The following RCAN2 variants were observed in gnomAD, a reference collection of about 807,000 sequenced individuals.
RCAN2 encodes calcipressin-2.
A neutral mutation model predicts 23.6 loss-of-function variants in RCAN2; 9 were observed. The observed-to-expected ratio is 0.38, with a 90% CI of 0.23 to 0.67. The LOEUF (loss-of-function observed/expected upper bound fraction) is 0.67. Ranked by LOEUF, RCAN2 falls within the 30% of genes least tolerant of loss-of-function variation. The pLI, the probability that RCAN2 is intolerant of heterozygous loss-of-function variation, is 0.51. For missense variants in RCAN2, 273 were observed against 302.3 expected, an observed-to-expected ratio of 0.90 and a Z score of 0.72; for synonymous variants, 109 against 115.7, an observed-to-expected ratio of 0.94 and a Z score of 0.37.
At chr6:46,244,219 C>T (rs891136338) in intron 4 of RCAN2, among the ~76,000 whole-genome samples, 21 of 152,208 alleles carry the variant, frequency 1.4e-4, no homozygotes, top group Non-Finnish European at 2.4e-4. Flanking sequence ...GTATTTTTAA[C>T]ATTATTGATA....
chr6:46,322,650 A>G (rs1763655967), intron 2 of RCAN2, among the ~76,000 whole-genome samples: 1 of 152,244 alleles, frequency 6.6e-6, no homozygotes, highest in African/African-American at 2.4e-5. Context: ...ACATGTAGAA[A>G]GTGGGGATGC....
At chr6:46,313,765 T>G (rs1164926961) in intron 2 of RCAN2, among the ~76,000 whole-genome samples, 1 of 152,214 alleles carries the variant, frequency 6.6e-6, no homozygotes, top group Non-Finnish European at 1.5e-5. Flanking sequence ...ACTTCCTGAC[T>G]ACATCAAAGA....
intron 2 of RCAN2, among the ~76,000 whole-genome samples, chr6:46,443,701 C>T (rs559126783): frequency 6.6e-6 from 1 of 152,226 alleles, no homozygotes; most frequent in East Asian, 1.9e-4. Flanking sequence ...AACGTCAAAT[C>T]TTAACTACAA....
At chr6:46,390,300 T>C (rs745486657) in intron 2 of RCAN2, among the ~76,000 whole-genome samples, 3 of 152,192 alleles carry the variant, frequency 2.0e-5, no homozygotes, top group Non-Finnish European at 2.9e-5. Flanking sequence ...CCCTGACAAC[T>C]TTGTTCACAA....
intron 2 of RCAN2, among the ~76,000 whole-genome samples, chr6:46,324,418 C>A (rs1561859251): frequency 6.6e-6 from 1 of 152,168 alleles, no homozygotes; most frequent in Non-Finnish European, 1.5e-5. Flanking sequence ...GTGTCACCTG[C>A]ACACCCAACA....
chr6:46,263,545 G>GTGTA (rs1767211448), intron 2 of RCAN2, among the ~76,000 whole-genome samples: 2 of 62,698 alleles, frequency 3.2e-5, no homozygotes, highest in African/African-American at 5.6e-5. Context: ...GTGTATGTGT[G>GTGTA]TGTGTGTGTG....
chr6:46,264,226 AT>A (rs1321714906), intron 2 of RCAN2, among the ~76,000 whole-genome samples: 1 of 152,232 alleles, frequency 6.6e-6, no homozygotes, highest in Non-Finnish European at 1.5e-5. Flanking sequence ...AAAGGGCTAA[AT>A]CCTAAATATG....
intron 2 of RCAN2, among the ~76,000 whole-genome samples, chr6:46,258,751 T>G (rs1767007071): frequency 6.6e-6 from 1 of 152,178 alleles, no homozygotes; most frequent in South Asian, 2.1e-4. Context: ...AAAAGTATAT[T>G]TTTAGTTTTC....
At chr6:46,369,183 G>T (rs773364728) in intron 2 of RCAN2, among the ~76,000 whole-genome samples, 1 of 151,744 alleles carries the variant, frequency 6.6e-6, no homozygotes, top group African/African-American at 2.4e-5. Context: ...TCCACATCTC[G>T]TCCCACTGGA....
chr6:46,453,434 T>C (rs1175219608), intron 2 of RCAN2, among the ~76,000 whole-genome samples: 1 of 152,174 alleles, frequency 6.6e-6, no homozygotes, highest in East Asian at 1.9e-4. Context: ...GAAATCAAAA[T>C]ACAATCTCAC....
At chr6:46,468,816 C>T in intron 1 of RCAN2, 9 of 985,378 alleles carry the variant, frequency 9.1e-6, no homozygotes, top group Non-Finnish European at 9.6e-6. Context: ...TCAGCACTTT[C>T]TCAACTTGAG....
At chr6:46,266,932 T>C (rs1308053281) in intron 2 of RCAN2, among the ~76,000 whole-genome samples, 1 of 67,350 alleles carries the variant, frequency 1.5e-5, no homozygotes, top group East Asian at 3.6e-4. Flanking sequence ...CCCAGAGACA[T>C]TCCACCGACA....
intron 2 of RCAN2, among the ~76,000 whole-genome samples, chr6:46,419,530 C>T (rs993531883): frequency 4.6e-5 from 7 of 152,186 alleles, no homozygotes; most frequent in Admixed American, 3.3e-4. Flanking sequence ...ATGACTTTCC[C>T]TGGGACCCTG....
chr6:46,473,868 C>T (rs1440534102), intron 1 of RCAN2, among the ~76,000 whole-genome samples: 1 of 152,180 alleles, frequency 6.6e-6, no homozygotes, highest in Non-Finnish European at 1.5e-5. Flanking sequence ...AAAACAAAGA[C>T]AGTATTTTAA....
chr6:46,252,422 T>C (rs901219373), intron 2 of RCAN2, among the ~76,000 whole-genome samples: 3 of 152,212 alleles, frequency 2.0e-5, no homozygotes, highest in Non-Finnish European at 2.9e-5. Flanking sequence ...CTTTGTAGCA[T>C]CCTGTTTGAA....
intron 4 of RCAN2, among the ~76,000 whole-genome samples, chr6:46,244,086 T>C (rs1447932251): frequency 6.6e-6 from 1 of 152,144 alleles, no homozygotes; most frequent in Non-Finnish European, 1.5e-5. Flanking sequence ...ATGGGGATAA[T>C]AATAGGTCCT....
intron 2 of RCAN2, among the ~76,000 whole-genome samples, chr6:46,324,979 G>C (rs1449177584): frequency 6.6e-6 from 1 of 152,320 alleles, no homozygotes; most frequent in East Asian, 1.9e-4. Context: ...TGCCAGAAAG[G>C]GTTATTGCCC....
intron 2 of RCAN2, among the ~76,000 whole-genome samples, chr6:46,300,650 T>C (rs1762876567): frequency 6.6e-6 from 1 of 152,072 alleles, no homozygotes; most frequent in Admixed American, 6.6e-5. Context: ...TTATGACATT[T>C]ATTTCCTTAG....
At chr6:46,268,810 T>C (rs1767428941) in intron 2 of RCAN2, among the ~76,000 whole-genome samples, 1 of 152,236 alleles carries the variant, frequency 6.6e-6, no homozygotes, top group Admixed American at 6.5e-5. Flanking sequence ...TCAGAACTTT[T>C]AGTAAAATGT....
Sources: allele counts gnomAD v4.1 joint callset (sites outside exome capture counted in the v4.1 genomes callset), GRCh38; gene constraint gnomAD v4.1.1; transcripts MANE v1.5; gene names NCBI Gene and HGNC (gene_info 2026-07-23, HGNC 2026-07-21).